RAD17: variants seen among roughly 807,000 people sequenced by gnomAD.
RAD17 encodes the protein cell cycle checkpoint protein RAD17.
Under a neutral mutation model 81.5 loss-of-function variants are expected in RAD17, and 31 were observed. The ratio of observed to expected loss-of-function variants is 0.38; its 90% CI spans 0.29 to 0.51. The LOEUF is 0.51. RAD17 is among the 20% of genes least tolerant of loss of function. The pLI, the probability that RAD17 is intolerant of heterozygous loss-of-function variation, is 0.88. For missense variants in RAD17, 681 were observed against 781.2 expected (o/e 0.87, Z 1.53); for synonymous variants, 261 against 266.2 (o/e 0.98, Z 0.19).
intron 6 of RAD17, among the ~76,000 whole-genome samples, chr5:69,379,437 CTAAACT>C (rs1763709204): frequency 6.6e-6 from 1 of 152,144 alleles, no homozygotes; most frequent in Non-Finnish European, 1.5e-5. Flanking sequence ...TTAGGCTACA[CTAAACT>C]TAAACAGTTT....
chr5:69,405,364 A>C (rs1465387364), intron 17 of RAD17, among the ~76,000 whole-genome samples: 4 of 151,062 alleles, frequency 2.6e-5, no homozygotes, highest in African/African-American at 7.3e-5. Context: ...AAAAAAAAAA[A>C]CACCAAAAAA....
At chr5:69,374,589 T>A in intron 5 of RAD17, 39 bp from the exon 6 acceptor site, 1 of 1,500,642 alleles carries the variant, frequency 6.7e-7, no homozygotes, top group South Asian at 1.2e-5. Flanking sequence ...AAATCTTCAG[T>A]TAAGAAGTTT....
At chr5:69,377,563 ATATATATG>A (rs1561239622) in intron 6 of RAD17, among the ~76,000 whole-genome samples, 39 of 3,620 alleles carry the variant, frequency 0.011, 9 homozygotes, top group African/African-American at 0.011. Flanking sequence ...ATATATGTAT[ATATATATG>A]CATATATATG....
At chr5:69,393,010 G>C (rs1370850857) in intron 13 of RAD17, 145 bp from the exon 14 acceptor site, 1 of 547,900 alleles carries the variant, frequency 1.8e-6, no homozygotes, top group Non-Finnish European at 3.2e-6. Flanking sequence ...CTTGCTTCCA[G>C]TTGTTTTTTA....
chr5:69,410,996 T>TATAC (rs1473955567), intron 18 of RAD17, among the ~76,000 whole-genome samples: 3 of 144,864 alleles, frequency 2.1e-5, no homozygotes, highest in Non-Finnish European at 3.0e-5. Context: ...TATATATATA[T>TATAC]ACTGTTCATT....
At chr5:69,377,818 G>C (rs1441331422) in intron 6 of RAD17, among the ~76,000 whole-genome samples, 2 of 151,244 alleles carry the variant, frequency 1.3e-5, no homozygotes, top group African/African-American at 4.9e-5. Context: ...ACAGGGTCTT[G>C]CTAGAGACGG....
intron 17 of RAD17, among the ~76,000 whole-genome samples, chr5:69,407,291 C>G (rs1186799127): frequency 1.3e-5 from 2 of 151,876 alleles, no homozygotes; most frequent in Non-Finnish European, 2.9e-5. Flanking sequence ...GTTAAGTATC[C>G]AAAGGTCCTC....
At chr5:69,407,316 G>A (rs1208746291) in intron 17 of RAD17, among the ~76,000 whole-genome samples, 1 of 151,958 alleles carries the variant, frequency 6.6e-6, no homozygotes, top group Non-Finnish European at 1.5e-5. Flanking sequence ...TGTTAGATGT[G>A]CAAACTTTAA....
At chr5:69,396,257 G>C (rs1375931236) in intron 15 of RAD17, 140 bp from the exon 16 acceptor site, 1 of 831,702 alleles carries the variant, frequency 1.2e-6, no homozygotes, top group Non-Finnish European at 1.7e-6. Context: ...TTATAGTGCT[G>C]TTATTTATAG....
At chr5:69,378,580 A>G (rs1452355613) in intron 6 of RAD17, among the ~76,000 whole-genome samples, 7 of 152,248 alleles carry the variant, frequency 4.6e-5, no homozygotes, top group Non-Finnish European at 1.0e-4. Context: ...ATTAGCAAAT[A>G]CTGAACCATT....
chr5:69,372,152 TA>T lies in RAD17; in HGVS notation c.-56del. On this transcript the variant is annotated 5_prime_UTR_variant, in exon 4 of 19. It removes the in-frame stop codon of an upstream open reading frame in the 5' UTR. Coordinates refer to ENST00000354868, the MANE Select transcript of RAD17 (RefSeq NM_133338.3). ...AAAGATATTTTCATACTCTCAAAAA[TA>T]TAGAGGAAAGGGGCCAAGATTATAG... is the stretch of plus-strand genomic sequence containing the variant. The T allele has an allele frequency of 6.3e-7, 1 of 1,575,850 alleles. No homozygotes were observed. The highest frequency in any genetic ancestry group is 1.2e-5 in the South Asian group (1 of 85,720).
intron 15 of RAD17, among the ~76,000 whole-genome samples, chr5:69,393,891 T>C (rs1057148105): frequency 1.4e-5 from 2 of 147,026 alleles, no homozygotes; most frequent in African/African-American, 2.5e-5. Flanking sequence ...TCTGATTTTG[T>C]GTTTTGTGTT....
chr5:69,371,928 A>G (rs1763034125), intron 3 of RAD17, 106 bp from the exon 4 acceptor site: 1 of 512,590 alleles, frequency 2.0e-6, no homozygotes, highest in Non-Finnish European at 3.1e-6. Context: ...GGGGTCAGAC[A>G]GTTTCATGCA....
chr5:69,375,581 A>G (rs757137503), intron 6 of RAD17, among the ~76,000 whole-genome samples: 44 of 151,988 alleles, frequency 2.9e-4, no homozygotes, highest in Admixed American at 2.6e-3. Flanking sequence ...AAAGTAAATT[A>G]TAAACATTGT....
chr5:69,388,499 T>C (rs1045794586), intron 11 of RAD17, among the ~76,000 whole-genome samples: 3 of 152,304 alleles, frequency 2.0e-5, no homozygotes, highest in East Asian at 3.9e-4. Context: ...AAAAGTAAAA[T>C]AATACAGTAT....
upstream of RAD17, chr5:69,369,589 A>T (rs1386656037): frequency 6.3e-7 from 1 of 1,597,880 alleles, no homozygotes; most frequent in Non-Finnish European, 8.5e-7. Flanking sequence ...CCACGGCCCC[A>T]AAGGCCCCGA....
chr5:69,372,325 A>G lies in RAD17; in HGVS notation c.9+108A>G. ...GAGTGAAGTGTGACTTAGCATTCGTAAAGTATTTATAAGCCCCAAATTGTC... is the reference window on the plus strand; with the variant it reads ...GAGTGAAGTGTGACTTAGCATTCGTGAAGTATTTATAAGCCCCAAATTGTC... On this transcript the variant is annotated intron_variant, in intron 4 of 18. Coordinates refer to ENST00000354868, the MANE Select transcript of RAD17 (RefSeq NM_133338.3). 3.7e-6 allele frequency: 4 copies of G among 1,081,798 alleles called. No homozygotes were observed. The Admixed American group carries it at 5.6e-5, about 15-fold the overall frequency. 67.0% of individuals were successfully genotyped at this position (1,081,798 alleles called of 1,614,324 possible). A position where few individuals can be genotyped will look rare whatever the true frequency, so the allele number is the denominator to read the frequency against.
intron 17 of RAD17, among the ~76,000 whole-genome samples, chr5:69,402,483 G>A (rs555543088): frequency 3.0e-4 from 46 of 151,972 alleles, no homozygotes; most frequent in Admixed American, 7.2e-4. Flanking sequence ...GGCTAACCCC[G>A]TCTCTACTAA....
chr5:69,383,671 C>T (rs17229901), intron 7 of RAD17, among the ~76,000 whole-genome samples: 120 of 152,158 alleles, frequency 7.9e-4, no homozygotes, highest in African/African-American at 2.7e-3. Context: ...TGAGCCACCA[C>T]GCCCGGCCCA....
Sources: gnomAD v4.1 joint callset for allele counts (sites outside exome capture counted in the v4.1 genomes callset) on GRCh38, gnomAD v4.1.1 for gene constraint, MANE v1.5 for transcripts, NCBI Gene and HGNC (gene_info 2026-07-23, HGNC 2026-07-21) for gene names.